GIPR: variants seen among roughly 807,000 people sequenced by gnomAD.
GIPR encodes the protein GIP-R.
A neutral mutation model predicts 62.2 loss-of-function variants in GIPR; 74 were observed. The observed-to-expected ratio is 1.19, with a 90% CI of 0.99 to 1.44. The LOEUF (loss-of-function observed/expected upper bound fraction) is 1.44, where lower values mean the gene tolerates loss of function less well. Ranked by LOEUF, GIPR falls within the 40% of genes most tolerant of loss-of-function variation. The pLI, the probability that GIPR is intolerant of heterozygous loss-of-function variation, is 0.00. For missense variants in GIPR, 664 were observed against 611.8 expected (o/e 1.09, Z -0.90); for synonymous variants, 256 against 262.2 (o/e 0.98, Z 0.23).
rs1252908415 is a variant in GIPR, at chr19:45,682,070, A to G, written c.*135A>G. 1.4e-6 allele frequency: 1 copy of G among 734,284 alleles called. No individual in the cohort carries two copies. Among genetic ancestry groups the G allele is most frequent in the African/African-American group, 1.8e-5 (1 of 55,988 alleles). The allele number at this position is 734,284 out of a possible 1,614,324, so 45.5% of individuals were successfully genotyped here. On this transcript the variant is annotated 3_prime_UTR_variant, in exon 14 of 14. Transcript: ENST00000590918. ...GGTCCCTGCCCTTCTGGAGATGACA[A>G]CTGAGTGGGGAAAACAGACCGTGAA... is the stretch of plus-strand genomic sequence containing the variant.
At position 45,681,883 on chromosome 19, in the gene GIPR, C is replaced by T. The variant is rs775485595; in HGVS notation, c.1349C>T (p.Thr450Ile). Residue 450 changes from threonine to isoleucine, a missense_variant, in exon 14 of 14, where the codon ACC (threonine) becomes ATC (isoleucine). Physicochemically the swap from Thr to Ile is moderately conservative, Grantham distance 89. Coordinates refer to ENST00000590918, the MANE Select transcript of GIPR (RefSeq NM_000164.4). ...ACCAGCCGCGGCTTGTCCTCGGGGA[C>T]CCTCCCAGGGCCTGGGAATGAGGCC... ...VPTSRGLSSG[T>I]LPGPGNEASR... is the part of the protein sequence containing the mutation. 5.1e-6 allele frequency: 8 copies of T among 1,557,178 alleles called. No individual in the cohort carries two copies. Among genetic ancestry groups the T allele is most frequent in the South Asian group, 4.7e-5 (4 of 84,508 alleles).
At chr19:45,677,423 G>A (rs1460500600) in intron 9 of GIPR, 40 bp downstream of exon 9, 10 of 1,268,028 alleles carry the variant, frequency 7.9e-6, no homozygotes, top group Non-Finnish European at 1.1e-5. Flanking sequence ...GGAGGTGGGC[G>A]GGGCTTTGAG....
chr19:45,670,780 A>C, intron 3 of GIPR, 46 bp downstream of exon 3: 4 of 549,324 alleles, frequency 7.3e-6, no homozygotes, highest in Non-Finnish European at 9.1e-6. Context: ...TGAGGCTGAG[A>C]GGGGTGGGCT....
chr19:45,673,463 A>C (rs542359671), intron 5 of GIPR, among the ~76,000 whole-genome samples: 1 of 151,194 alleles, frequency 6.6e-6, no homozygotes, highest in South Asian at 2.1e-4. Flanking sequence ...AGTTGGGCCA[A>C]GGTCAATGGC....
intron 12 of GIPR, among the ~76,000 whole-genome samples, chr19:45,681,367 C>T (rs1488753789): frequency 6.6e-6 from 1 of 151,966 alleles, no homozygotes; most frequent in Non-Finnish European, 1.5e-5. Context: ...TGGTGGAGGG[C>T]GCCTGTAATC....
chr19:45,670,817 G>C (rs918836214), intron 3 of GIPR, 83 bp downstream of exon 3: 3 of 840,406 alleles, frequency 3.6e-6, no homozygotes, highest in Non-Finnish European at 5.7e-6. Flanking sequence ...CTGACGGGCG[G>C]GGAAGAAATC....
chr19:45,672,683 T>C (rs1422764116), intron 4 of GIPR, 168 bp from the exon 5 acceptor site: 2 of 641,722 alleles, frequency 3.1e-6, no homozygotes, highest in African/African-American at 1.8e-5. Flanking sequence ...AGTATGAATA[T>C]TAAATTAATA....
Position 45,682,046 on chromosome 19 carries a change from G to T in GIPR, c.*111G>T, listed in dbSNP as rs1967276492. The T allele has an allele frequency of 1.1e-6, 1 of 930,256 alleles. No homozygotes were observed. The highest frequency in any genetic ancestry group is 2.1e-5 in the Admixed American group (1 of 46,544). The allele number at this position is 930,256 out of a possible 1,614,324, so 57.6% of individuals were successfully genotyped here. A position where few individuals can be genotyped will look rare whatever the true frequency, so the allele number is the denominator to read the frequency against. On this transcript the variant is annotated 3_prime_UTR_variant, in exon 14 of 14. Coordinates refer to ENST00000590918, the MANE Select transcript of GIPR (RefSeq NM_000164.4). ...AAATGGTGAAGGAAACAGAAAAAAG[G>T]TCCCTGCCCTTCTGGAGATGACAAC...
intron 1 of GIPR, among the ~76,000 whole-genome samples, chr19:45,668,948 C>T (rs965299611): frequency 6.6e-6 from 1 of 152,162 alleles, no homozygotes; most frequent in African/African-American, 2.4e-5. Flanking sequence ...AGAGTGGGAG[C>T]TCGGATGGGC....
Position 45,674,745 on chromosome 19 carries a change from T to C in GIPR, c.552T>C (p.Ala184=), listed in dbSNP as rs1199294042. The C allele has an allele frequency of 2.5e-6, 4 of 1,613,716 alleles. No homozygotes were observed. Among genetic ancestry groups the C allele is most frequent in the Non-Finnish European group, 3.4e-6 (4 of 1,179,796 alleles). Residue 184 remains alanine, a synonymous_variant, in exon 7 of 14, where the codon GCT becomes GCC. Transcript: ENST00000590918. ...TGTTCACGTCTTTCATGCTGCGAGC[T>C]GCGGCCATTCTCAGCCGAGACCGTC... is the stretch of plus-strand genomic sequence containing the variant. ...INLFTSFMLR[A]AAILSRDRLL...
rs1274818659 is a variant in GIPR, at chr19:45,671,396, A to T, written c.280+4A>T. ...TACCTGCCCTGGCACCACCATGGTG[A>T]GGTGCTCCCTGGGCCCGGAGCCCTC... is the stretch of plus-strand genomic sequence containing the variant. On this transcript the variant is annotated splice_donor_region_variant and intron_variant, in intron 4 of 13. Transcript: ENST00000590918. 1.3e-6 allele frequency: 2 copies of T among 1,575,972 alleles called. No individual in the cohort carries two copies. The highest frequency in any genetic ancestry group is 3.3e-5 in the Admixed American group (2 of 59,926).
At chr19:45,676,171 C>A (rs1255471516) in intron 7 of GIPR, among the ~76,000 whole-genome samples, 1 of 149,506 alleles carries the variant, frequency 6.7e-6, no homozygotes, top group East Asian at 2.0e-4. Flanking sequence ...CCATTGCGCT[C>A]CAGCCTGGGC....
chr19:45,677,187 G>T, intron 8 of GIPR, 79 bp downstream of exon 8: 1 of 1,500,136 alleles, frequency 6.7e-7, no homozygotes, highest in African/African-American at 1.4e-5. Context: ...GTTGGCCTCT[G>T]CGGGTCTCCT....
chr19:45,672,763 C>G (rs1600292172), intron 4 of GIPR, 88 bp from the exon 5 acceptor site: 1 of 782,178 alleles, frequency 1.3e-6, no homozygotes, highest in East Asian at 2.6e-5. Context: ...CTTCGGCTCT[C>G]TCCCTCTCTG....
chr19:45,671,535 G>A (rs534289035), intron 4 of GIPR, 143 bp downstream of exon 4: 34 of 675,754 alleles, frequency 5.0e-5, no homozygotes, highest in African/African-American at 4.9e-4. Context: ...CCGGCAGGCT[G>A]GGTTTCTCCT....
rs74751167 is a variant in GIPR, at chr19:45,678,096, G to A, written c.1022G>A (p.Arg341His). 6.2e-7 allele frequency: 1 copy of A among 1,612,216 alleles called. No individual in the cohort carries two copies. Among genetic ancestry groups the A allele is most frequent in the Non-Finnish European group, 8.5e-7 (1 of 1,179,884 alleles). Reference sequence around the variant, plus strand: ...CCGCCCTCTCTCCCCAGGCTGGCTCGCTCCACGCTGACGCTGGTGCCCCTG... The same window carrying A: ...CCGCCCTCTCTCCCCAGGCTGGCTCACTCCACGCTGACGCTGGTGCCCCTG... ...RCRDYRLRLA[R>H]STLTLVPLLG... Residue 341 changes from arginine (R) to histidine (H), a missense_variant, in exon 12 of 14, where the codon CGC (arginine) becomes CAC (histidine). Physicochemically the swap from Arg to His is conservative, Grantham distance 29. Transcript: ENST00000590918.
Position 45,673,532 on chromosome 19 carries a change from C to G in GIPR, c.385-542C>G, listed in dbSNP as rs1435260007. On this transcript the variant is annotated intron_variant, in intron 5 of 13. Coordinates refer to ENST00000590918, the MANE Select transcript of GIPR (RefSeq NM_000164.4). The stretch of plus-strand genomic sequence containing the variant: ...ATTGCTTGAACGCAGGATTTTGAGA[C>G]CAGCCTGGGTAACATAGTGAAACTC... 2.6e-5 allele frequency among the ~76,000 whole-genome samples: 4 copies of G among 151,602 alleles called. No individual in the cohort carries two copies. In the East Asian group the frequency reaches 7.7e-4, roughly 29 times the overall value.
chr19:45,679,518 T>C (rs909819001), intron 12 of GIPR, among the ~76,000 whole-genome samples: 2 of 149,970 alleles, frequency 1.3e-5, no homozygotes, highest in African/African-American at 4.9e-5. Flanking sequence ...ATATAGAATG[T>C]CAGATGGTGA....
At chr19:45,677,635 C>A in intron 9 of GIPR, 75 bp from the exon 10 acceptor site, 1 of 1,202,830 alleles carries the variant, frequency 8.3e-7, no homozygotes, top group Non-Finnish European at 1.2e-6. Context: ...TGGGCGGGGC[C>A]TAGCGAGCAA....
Sources: gnomAD v4.1 joint callset for allele counts (sites outside exome capture counted in the v4.1 genomes callset) on GRCh38, gnomAD v4.1.1 for gene constraint, MANE v1.5 for transcripts, NCBI Gene and HGNC (gene_info 2026-07-23, HGNC 2026-07-21) for gene names.